KCNQ1: variants seen among roughly 807,000 people sequenced by gnomAD.
KCNQ1 encodes the protein potassium voltage-gated channel subfamily Q member 1.
Under a neutral mutation model 72.4 loss-of-function variants are expected in KCNQ1, and 49 were observed. The ratio of observed to expected loss-of-function variants is 0.68; its 90% CI spans 0.54 to 0.86. The LOEUF (loss-of-function observed/expected upper bound fraction) is 0.86. KCNQ1 is among the 40% of genes least tolerant of loss of function. The pLI is 0.00. For missense variants in KCNQ1, 790 were observed against 945.1 expected, an observed-to-expected ratio of 0.84 and a Z score of 2.15; for synonymous variants, 450 against 412.6, an observed-to-expected ratio of 1.09 and a Z score of -1.10.
In KCNQ1 at chr11:2,813,561, A is replaced by G. The variant is rs1339625921; in HGVS notation, c.1795-34206A>G. Among the ~76,000 whole-genome samples, 3 of 152,018 alleles carry G rather than the reference A, an allele frequency of 2.0e-5. No homozygotes were observed. The highest frequency in any genetic ancestry group is 4.4e-5 in the Non-Finnish European group (3 of 68,010). On this transcript the variant is annotated intron_variant, in intron 15 of 15. Coordinates refer to ENST00000155840, the MANE Select transcript of KCNQ1 (RefSeq NM_000218.3). This position sits in a 1 kb window ranked among gnomAD's most constrained non-coding sequence, Gnocchi z 4.4. The stretch of plus-strand genomic sequence containing the variant: ...TCCCCTCCTTGATCTGGAGCCATTC[A>G]GCCACATGGAGTATGTCCTCTGTCG...
chr11:2,521,800 A>T (rs1847386718), intron 1 of KCNQ1, among the ~76,000 whole-genome samples: 1 of 152,188 alleles, frequency 6.6e-6, no homozygotes, highest in Non-Finnish European at 1.5e-5. Flanking sequence ...CACAGCCCCC[A>T]CCCGGACTGG....
chr11:2,572,819 C>T (rs1291301708), intron 5 of KCNQ1, 27 bp from the exon 6 acceptor site: 3 of 1,613,362 alleles, frequency 1.9e-6, no homozygotes, highest in Non-Finnish European at 2.5e-6. Context: ...GTTCCTGGAG[C>T]CCGACACTGT....
In KCNQ1 at chr11:2,464,110, G is replaced by A. The variant is rs986017513; in HGVS notation, c.386+18626G>A. The stretch of plus-strand genomic sequence containing the variant: ...ACCCACGGGACAATTAGAACGACTG[G>A]GCCTGACTGGCACAGGGATGTGGAC... On this transcript the variant is annotated intron_variant, in intron 1 of 15. Coordinates refer to ENST00000155840, the MANE Select transcript of KCNQ1 (RefSeq NM_000218.3). The surrounding 1 kb of genome is among the most constrained non-coding windows in gnomAD (Gnocchi z 5.0). 2.0e-5 allele frequency among the ~76,000 whole-genome samples: 3 copies of A among 152,130 alleles called. No homozygotes were observed. Among genetic ancestry groups the A allele is most frequent in the African/African-American group, 7.2e-5 (3 of 41,412 alleles).
Position 2,595,556 on chromosome 11 carries a change from A to C in KCNQ1, c.1393+6702A>C, listed in dbSNP as rs528890993. Among the ~76,000 whole-genome samples the C allele has an allele frequency of 4.1e-4, 63 of 152,326 alleles. No individual in the cohort carries two copies. Among genetic ancestry groups the C allele is most frequent in the Non-Finnish European group, 4.4e-4 (30 of 68,034 alleles). On this transcript the variant is annotated intron_variant, in intron 10 of 15. Transcript: ENST00000155840. This position sits in a 1 kb window ranked among gnomAD's most constrained non-coding sequence, Gnocchi z 5.0. ...TAATGAAGCAACAAAGCCCGATGAC[A>C]GTACATCTGTTGACAACATGGTTTA...
rs775104031 is a variant in KCNQ1 at position 2,528,009 on chromosome 11, C to T, written c.468C>T (p.Leu156=). Reference sequence around the variant, plus strand: ...ATGCCGCCCTGGCCACGGGGACTCTCTTCTGGATGGTACGTAGCATCTGAG... The same window carrying T: ...ATGCCGCCCTGGCCACGGGGACTCTTTTCTGGATGGTACGTAGCATCTGAG... ...EQYAALATGT[L]FWMEIVLVVF... is the part of the protein sequence containing the mutation. The change falls in exon 2 of 16, where the codon CTC becomes CTT. Residue 156 remains leucine, a synonymous_variant. Transcript: ENST00000155840. 1 of 1,613,084 alleles carries T rather than the reference C, an allele frequency of 6.2e-7. No individual in the cohort carries two copies. Among genetic ancestry groups the T allele is most frequent in the African/African-American group, 1.3e-5 (1 of 75,040 alleles).
At chr11:2,539,715 TG>T (rs1221702149) in intron 2 of KCNQ1, among the ~76,000 whole-genome samples, 1 of 152,154 alleles carries the variant, frequency 6.6e-6, no homozygotes, top group Admixed American at 6.5e-5. Context: ...CAGACCTTGG[TG>T]GGGGGTGCGC....
chr11:2,602,024 C>T lies in KCNQ1; in HGVS notation c.1393+13170C>T, dbSNP rs1211262412. On this transcript the variant is annotated intron_variant, in intron 10 of 15. Coordinates refer to ENST00000155840, the MANE Select transcript of KCNQ1 (RefSeq NM_000218.3). This position sits in a 1 kb window ranked among gnomAD's most constrained non-coding sequence, Gnocchi z 4.8. ...TATCTGAATGGGCCCGGTGTAATCA[C>T]AAGGGTCCTTATAACAGGGAGGCAG... 6.6e-6 allele frequency among the ~76,000 whole-genome samples: 1 copy of T among 152,134 alleles called. No individual in the cohort carries two copies. The highest frequency in any genetic ancestry group is 1.5e-5 in the Non-Finnish European group (1 of 68,020).
chr11:2,458,156 G>A lies in KCNQ1; in HGVS notation c.386+12672G>A, dbSNP rs896436788. On this transcript the variant is annotated intron_variant, in intron 1 of 15. Coordinates refer to ENST00000155840, the MANE Select transcript of KCNQ1 (RefSeq NM_000218.3). This position sits in a 1 kb window ranked among gnomAD's most constrained non-coding sequence, Gnocchi z 4.6. Reference sequence around the variant, plus strand: ...GGCCATGTCACTGGAACTTGAAGGGGTCCTTGTCTTCCCCCTTCTCCCCAA... The same window carrying A: ...GGCCATGTCACTGGAACTTGAAGGGATCCTTGTCTTCCCCCTTCTCCCCAA... Among the ~76,000 whole-genome samples, 5 of 152,072 alleles carry A rather than the reference G, an allele frequency of 3.3e-5. No individual in the cohort carries two copies. The highest frequency in any genetic ancestry group is 2.0e-4 in the Admixed American group (3 of 15,258).
chr11:2,632,346 T>C (rs530684947), intron 10 of KCNQ1: 2 of 398,464 alleles, frequency 5.0e-6, no homozygotes, highest in South Asian at 2.5e-4. Flanking sequence ...TCTTCCTTTC[T>C]AAATGATGCC....
At position 2,564,025 on chromosome 11, in the gene KCNQ1, G is replaced by A. The variant is rs559775118; in HGVS notation, c.478-6603G>A. Among the ~76,000 whole-genome samples the A allele has an allele frequency of 1.8e-4, 27 of 152,266 alleles. No individual in the cohort carries two copies. Among genetic ancestry groups the A allele is most frequent in the Admixed American group, 4.6e-4 (7 of 15,306 alleles). ...CAGAATCCTTTTGGAGACCTGACCC[G>A]CGGGAGCCCAGGTGAGCAACCGCCA... On this transcript the variant is annotated intron_variant, in intron 2 of 15. Transcript: ENST00000155840. This position sits in a 1 kb window ranked among gnomAD's most constrained non-coding sequence, Gnocchi z 4.5.
chr11:2,591,552 G>A (rs1393749268), intron 10 of KCNQ1, among the ~76,000 whole-genome samples: 2 of 152,236 alleles, frequency 1.3e-5, no homozygotes, highest in Non-Finnish European at 2.9e-5. Flanking sequence ...GCATGCTAAC[G>A]GGCAGGTGGG....
In KCNQ1 at chr11:2,704,761, C is replaced by G. The variant is rs537888200; in HGVS notation, c.1514+42680C>G. Among the ~76,000 whole-genome samples, 6 of 152,282 alleles carry G rather than the reference C, an allele frequency of 3.9e-5. No homozygotes were observed. Among genetic ancestry groups the G allele is most frequent in the African/African-American group, 1.4e-4 (6 of 41,566 alleles). On this transcript the variant is annotated intron_variant, in intron 11 of 15. Transcript: ENST00000155840. This position sits in a 1 kb window ranked among gnomAD's most constrained non-coding sequence, Gnocchi z 4.3. ...GGGCTCCCTCAGGCGGCAACTTTGT[C>G]TAGACTTCTGGCTGAGGACAGGGAG...
chr11:2,604,042 A>G (rs150060675), intron 10 of KCNQ1, among the ~76,000 whole-genome samples: 9 of 152,334 alleles, frequency 5.9e-5, no homozygotes, highest in Admixed American at 5.9e-4. Flanking sequence ...ATGATATACA[A>G]TGAATAAACA....
intron 6 of KCNQ1, among the ~76,000 whole-genome samples, chr11:2,577,043 G>C (rs1032964905): frequency 6.6e-6 from 1 of 152,236 alleles, no homozygotes; most frequent in Non-Finnish European, 1.5e-5. Flanking sequence ...TGCAGGGCCC[G>C]CTGCAAGGGC....
intron 1 of KCNQ1, among the ~76,000 whole-genome samples, chr11:2,469,582 T>A (rs995407100): frequency 5.3e-5 from 8 of 151,126 alleles, no homozygotes; most frequent in African/African-American, 1.7e-4. Context: ...AGATGTTACA[T>A]GTTTCTATAT....
Position 2,571,997 on chromosome 11 carries a change from A to T in KCNQ1, c.684-16A>T. 1 of 1,606,992 alleles carries T rather than the reference A, an allele frequency of 6.2e-7. No individual in the cohort carries two copies. The highest frequency in any genetic ancestry group is 8.5e-7 in the Non-Finnish European group (1 of 1,176,298). On this transcript the variant is annotated splice_polypyrimidine_tract_variant and intron_variant, in intron 4 of 15. Coordinates refer to ENST00000155840, the MANE Select transcript of KCNQ1 (RefSeq NM_000218.3). The stretch of plus-strand genomic sequence containing the variant: ...CCCAGCCTGGCTCCCTCAGCCCCAC[A>T]CCATCTCCTTCGCAGGGGCATCCGC...
chr11:2,763,928 G>A (rs888344445), intron 11 of KCNQ1, among the ~76,000 whole-genome samples: 3 of 151,982 alleles, frequency 2.0e-5, no homozygotes, highest in Non-Finnish European at 4.4e-5. Flanking sequence ...TATTCCAACA[G>A]TTTATCTGAG....
At position 2,657,242 on chromosome 11, in the gene KCNQ1, A is replaced by G; in HGVS notation, c.1394-4719A>G. On this transcript the variant is annotated intron_variant, in intron 10 of 15. Transcript: ENST00000155840. The surrounding 1 kb of genome is among the most constrained non-coding windows in gnomAD (Gnocchi z 4.8). ...AGTCGCAGTTAGAATCAGCTTGCCAAAGTTCTCACACAGAAGCCTTGAGAT... is the reference window on the plus strand; with the variant it reads ...AGTCGCAGTTAGAATCAGCTTGCCAGAGTTCTCACACAGAAGCCTTGAGAT... 2.5e-6 allele frequency: 1 copy of G among 398,632 alleles called. No individual in the cohort carries two copies. The allele number at this position is 398,632 out of a possible 1,614,324, so 24.7% of individuals were successfully genotyped here. A position where few individuals can be genotyped will look rare whatever the true frequency, so the allele number is the denominator to read the frequency against.
chr11:2,525,472 C>T (rs1172286623), intron 1 of KCNQ1, among the ~76,000 whole-genome samples: 2 of 152,222 alleles, frequency 1.3e-5, no homozygotes, highest in Admixed American at 6.5e-5. Context: ...TAGGAGCACC[C>T]AGAGGGAGCC....
Sources: allele counts gnomAD v4.1 joint callset (sites outside exome capture counted in the v4.1 genomes callset), GRCh38; gene constraint gnomAD v4.1.1; non-coding constraint Gnocchi (gnomAD v3.1); transcripts MANE v1.5; gene names NCBI Gene and HGNC (gene_info 2026-07-23, HGNC 2026-07-21).